PRKAR1A: variants seen among roughly 807,000 people sequenced by gnomAD.
The protein encoded by PRKAR1A is cAMP-dependent protein kinase type I-alpha regulatory subunit.
In PRKAR1A, 3 loss-of-function variants were observed where a neutral mutation model predicts 52.0. The observed-to-expected ratio is 0.06, with a 90% confidence interval of 0.03 to 0.15. PRKAR1A has a LOEUF of 0.15. Ranked by LOEUF, PRKAR1A falls within the 10% of genes least tolerant of loss-of-function variation. PRKAR1A has a pLI of 1.00. For missense variants in PRKAR1A, 240 were observed against 477.4 expected (o/e 0.50, Z 4.63); for synonymous variants, 188 against 168.4 (o/e 1.12, Z -0.90).
intron 11 of PRKAR1A, chr17:68,550,937 T>C: frequency 1.8e-6 from 1 of 568,796 alleles, no homozygotes; most frequent in Non-Finnish European, 2.6e-6. Context: ...TAGAACCATC[T>C]ACTGGGGCTC....
intron 8 of PRKAR1A, 103 bp downstream of exon 8, chr17:68,528,003 TC>T: frequency 9.8e-7 from 1 of 1,018,110 alleles, no homozygotes; most frequent in Admixed American, 1.8e-5. Flanking sequence ...TGCTACTCAT[TC>T]CCCCTGAAAA....
the PRKAR1A span, among the ~76,000 whole-genome samples, chr17:68,494,169 T>C: frequency 6.6e-6 from 1 of 152,238 alleles, no homozygotes; most frequent in Non-Finnish European, 1.5e-5. Flanking sequence ...CAAAGAGCTT[T>C]AACACTCTTT....
chr17:68,486,207 T>A, the PRKAR1A span, among the ~76,000 whole-genome samples: 1 of 152,132 alleles, frequency 6.6e-6, no homozygotes, highest in Non-Finnish European at 1.5e-5. Context: ...TGAGGTTTTT[T>A]TTTTTAATGT....
the PRKAR1A span, among the ~76,000 whole-genome samples, chr17:68,467,846 G>A: frequency 6.6e-6 from 1 of 152,068 alleles, no homozygotes; most frequent in Non-Finnish European, 1.5e-5. Flanking sequence ...GCTTCGGCCG[G>A]GGATCTCTAT....
At chr17:68,453,624 A>G in the PRKAR1A span, among the ~76,000 whole-genome samples, 1 of 151,884 alleles carries the variant, frequency 6.6e-6, no homozygotes, top group Admixed American at 6.6e-5. Context: ...GATTACAGGC[A>G]TGCACCACCA....
chr17:68,414,005 C>A, the PRKAR1A span: 7 of 155,292 alleles, frequency 4.5e-5, no homozygotes, highest in African/African-American at 1.4e-4. Flanking sequence ...CTGACCTGCG[C>A]CCACTGTCTG....
At chr17:68,511,771 C>A (rs1331314196), upstream of PRKAR1A, 1 of 151,998 alleles carries the variant, frequency 6.6e-6, no homozygotes, top group Non-Finnish European at 1.5e-5. Context: ...ACAGGATGCG[C>A]GGCCCGGAGA....
the PRKAR1A span, among the ~76,000 whole-genome samples, chr17:68,496,818 C>CTTTTTTTTTTTTTTT: frequency 9.9e-5 from 9 of 91,240 alleles, no homozygotes; most frequent in East Asian, 3.4e-4. Context: ...TTAGTTTTTA[C>CTTTTTTTTTTTTTTT]TTTTTTTTTT....
the PRKAR1A span, among the ~76,000 whole-genome samples, chr17:68,443,205 G>A: frequency 0.019 from 2,955 of 152,166 alleles, 107 homozygotes; most frequent in African/African-American, 0.067. Flanking sequence ...CCGCCTCCTG[G>A]GTTCAAGTAA....
chr17:68,421,177 C>T, the PRKAR1A span: 1 of 155,132 alleles, frequency 6.4e-6, no homozygotes, highest in African/African-American at 2.4e-5. Context: ...AATCCCCTTC[C>T]TCTCCTTTTA....
At chr17:68,479,792 A>G in the PRKAR1A span, among the ~76,000 whole-genome samples, 20 of 152,262 alleles carry the variant, frequency 1.3e-4, no homozygotes, top group African/African-American at 4.1e-4. Flanking sequence ...TATAAAGCAA[A>G]GAAGTTTAAT....
At chr17:68,485,106 G>T in the PRKAR1A span, among the ~76,000 whole-genome samples, 2 of 152,196 alleles carry the variant, frequency 1.3e-5, no homozygotes, top group Non-Finnish European at 2.9e-5. Flanking sequence ...CATACTGTGG[G>T]CTGCCTTTCT....
Position 68,531,748 on chromosome 17 carries a change from T to G in PRKAR1A, c.*1299T>G. On this transcript the variant is annotated 3_prime_UTR_variant, in exon 11 of 11. Coordinates refer to ENST00000589228, the MANE Select transcript of PRKAR1A (RefSeq NM_002734.5). Reference sequence around the variant, plus strand: ...TTAAAGTAAACTTGTGTATTGAGTCTTAACTGTATTTCAGTATTTTCCAGC... The same window carrying G: ...TTAAAGTAAACTTGTGTATTGAGTCGTAACTGTATTTCAGTATTTTCCAGC... 1 of 1,048,632 alleles carries G rather than the reference T, an allele frequency of 9.5e-7. No homozygotes were observed. The highest frequency in any genetic ancestry group is 1.6e-5 in the African/African-American group (1 of 60,780). 65.0% of individuals were successfully genotyped at this position (1,048,632 alleles called of 1,614,324 possible).
the PRKAR1A span, among the ~76,000 whole-genome samples, chr17:68,417,972 C>T: frequency 5.3e-5 from 8 of 151,894 alleles, no homozygotes; most frequent in African/African-American, 1.4e-4. Context: ...CCTCATGATC[C>T]GCCTGCCTCA....
the PRKAR1A span, among the ~76,000 whole-genome samples, chr17:68,428,003 A>G: frequency 6.6e-6 from 1 of 151,260 alleles, no homozygotes; most frequent in Non-Finnish European, 1.5e-5. Flanking sequence ...TGATCCCCCC[A>G]CCTCTGCCTC....
chr17:68,484,166 T>C, the PRKAR1A span, among the ~76,000 whole-genome samples: 1 of 152,148 alleles, frequency 6.6e-6, no homozygotes, highest in Non-Finnish European at 1.5e-5. Flanking sequence ...TATAGAGTAA[T>C]ATGGGGGAGA....
chr17:68,431,178 C>T, the PRKAR1A span, among the ~76,000 whole-genome samples: 4 of 152,160 alleles, frequency 2.6e-5, no homozygotes, highest in Non-Finnish European at 4.4e-5. Flanking sequence ...AGAAAAACCA[C>T]GTGAGCAGTT....
chr17:68,492,196 G>A, the PRKAR1A span, among the ~76,000 whole-genome samples: 1 of 152,216 alleles, frequency 6.6e-6, no homozygotes, highest in Non-Finnish European at 1.5e-5. Context: ...TTCGGCAGGT[G>A]CTCAAGGCCG....
rs1269379592 is a variant in PRKAR1A at position 68,524,048 on chromosome 17, T to G, written c.473T>G (p.Phe158Cys). The G allele has an allele frequency of 3.1e-6, 5 of 1,613,980 alleles. No homozygotes were observed. Among genetic ancestry groups the G allele is most frequent in the Non-Finnish European group, 4.2e-6 (5 of 1,180,010 alleles). Residue 158 changes from phenylalanine to cysteine, a missense_variant, in exon 5 of 11, where the codon TTT becomes TGT. Physicochemically the swap from Phe to Cys is radical, Grantham distance 205 (BLOSUM62 -2). This residue lies in a region of PRKAR1A where 107 missense variants were observed against 290.9 expected (regional missense o/e 0.37). Coordinates refer to ENST00000589228, the MANE Select transcript of PRKAR1A (RefSeq NM_002734.5). The part of the protein sequence containing the change: ...DIFDAMFSVS[F>C]IAGETVIQQG... The stretch of plus-strand genomic sequence containing the variant: ...TTTGATGCCATGTTTTCGGTCTCCT[T>G]TATCGCAGGAGAGACTGTGATTCAG...
Sources: allele counts gnomAD v4.1 joint callset (sites outside exome capture counted in the v4.1 genomes callset), GRCh38; gene constraint gnomAD v4.1.1; regional missense constraint gnomAD v4.1.1; transcripts MANE v1.5; gene names NCBI Gene and HGNC (gene_info 2026-07-23, HGNC 2026-07-21).